The following LARGE1 variants were observed in gnomAD, a reference collection of about 807,000 sequenced individuals.
LARGE1 encodes xylosyl- and glucuronyltransferase LARGE1.
In LARGE1, 43 loss-of-function variants were observed where a neutral mutation model predicts 87.6. The ratio of observed to expected loss-of-function variants is 0.49; its 90% CI spans 0.38 to 0.63. The LOEUF (loss-of-function observed/expected upper bound fraction) is 0.63. LARGE1 is among the 30% of genes least tolerant of loss of function. The pLI, the probability that LARGE1 is intolerant of heterozygous loss-of-function variation, is 0.00. For synonymous variants in LARGE1, 434 were observed against 394.6 expected, an observed-to-expected ratio of 1.10 and a Z score of -1.18; for missense variants, 802 against 1,000.2, an observed-to-expected ratio of 0.80 and a Z score of 2.67.
intron 6 of LARGE1, among the ~76,000 whole-genome samples, chr22:33,492,322 G>C (rs767503139): frequency 2.0e-5 from 3 of 152,178 alleles, no homozygotes; most frequent in Admixed American, 6.5e-5. Context: ...ATTCTCTGAC[G>C]TCTGCTCTGT....
intron 8 of LARGE1, among the ~76,000 whole-genome samples, chr22:33,383,814 G>A (rs1031616195): frequency 2.6e-5 from 4 of 152,184 alleles, no homozygotes; most frequent in Admixed American, 2.6e-4. Flanking sequence ...GGGTCCCAGA[G>A]AGCAGGCCCT....
chr22:33,837,257 T>TACATAC (rs1555882452), intron 1 of LARGE1, among the ~76,000 whole-genome samples: 2 of 149,638 alleles, frequency 1.3e-5, no homozygotes, highest in African/African-American at 4.9e-5. Context: ...GTATTACATA[T>TACATAC]ACACACACAC....
At chr22:33,070,955 C>T in the LARGE1 span, among the ~76,000 whole-genome samples, 1 of 152,100 alleles carries the variant, frequency 6.6e-6, no homozygotes, top group African/African-American at 2.4e-5. Flanking sequence ...GTGATGTGAT[C>T]AGCCAGAATT....
At chr22:33,902,382 T>C (rs989180989) in intron 1 of LARGE1, among the ~76,000 whole-genome samples, 1 of 152,182 alleles carries the variant, frequency 6.6e-6, no homozygotes, top group Non-Finnish European at 1.5e-5. Flanking sequence ...ATAAAACTCA[T>C]TTCACAACCC....
chr22:33,674,660 G>C (rs891085337), intron 2 of LARGE1, among the ~76,000 whole-genome samples: 2 of 152,102 alleles, frequency 1.3e-5, no homozygotes, highest in Admixed American at 6.5e-5. Flanking sequence ...CCAATGCATG[G>C]ATCACTCTTC....
chr22:33,838,368 G>A (rs1306203453), intron 1 of LARGE1, among the ~76,000 whole-genome samples: 1 of 152,226 alleles, frequency 6.6e-6, no homozygotes, highest in Non-Finnish European at 1.5e-5. Flanking sequence ...GACAGGTGTA[G>A]TGGCTCATGC....
chr22:33,588,240 T>C (rs1051641411), intron 5 of LARGE1, among the ~76,000 whole-genome samples: 1 of 152,172 alleles, frequency 6.6e-6, no homozygotes, highest in African/African-American at 2.4e-5. Context: ...CATCCACCAA[T>C]ACCCATGCAT....
chr22:33,600,438 A>G (rs2079083302), intron 5 of LARGE1, among the ~76,000 whole-genome samples: 1 of 152,192 alleles, frequency 6.6e-6, no homozygotes, highest in Non-Finnish European at 1.5e-5. Flanking sequence ...ATGAAAGAAT[A>G]CCCTCTGTGT....
intron 9 of LARGE1, among the ~76,000 whole-genome samples, chr22:33,357,420 T>C (rs891654103): frequency 6.6e-6 from 1 of 152,144 alleles, no homozygotes; most frequent in African/African-American, 2.4e-5. Flanking sequence ...TTATTTTGGG[T>C]GATGGTTATC....
intron 6 of LARGE1, among the ~76,000 whole-genome samples, chr22:33,442,539 A>C (rs2067516629): frequency 6.6e-6 from 1 of 152,112 alleles, no homozygotes; most frequent in Non-Finnish European, 1.5e-5. Flanking sequence ...TGCTGTGGGA[A>C]GGGGGATTTC....
chr22:33,629,940 T>G (rs1002241806), intron 3 of LARGE1, among the ~76,000 whole-genome samples: 1 of 152,168 alleles, frequency 6.6e-6, no homozygotes, highest in Non-Finnish European at 1.5e-5. Context: ...GACTCATGCT[T>G]GCAATCCCAG....
At chr22:33,671,348 G>A (rs1391139760) in intron 2 of LARGE1, among the ~76,000 whole-genome samples, 1 of 152,206 alleles carries the variant, frequency 6.6e-6, no homozygotes, top group African/African-American at 2.4e-5. Context: ...GATGTCTAGA[G>A]AATGGCCTGC....
intron 11 of LARGE1, among the ~76,000 whole-genome samples, chr22:33,262,607 G>A (rs1466908940): frequency 1.3e-5 from 2 of 152,066 alleles, no homozygotes; most frequent in African/African-American, 2.4e-5. Context: ...CTTAGGAACC[G>A]TTAACTGATG....
chr22:33,548,512 T>G (rs1344095060), intron 6 of LARGE1, among the ~76,000 whole-genome samples: 1 of 152,090 alleles, frequency 6.6e-6, no homozygotes, highest in Admixed American at 6.6e-5. Flanking sequence ...ACCTCCCGGG[T>G]ACAGGCGATT....
At chr22:33,477,585 C>T (rs1379991067) in intron 6 of LARGE1, among the ~76,000 whole-genome samples, 2 of 152,134 alleles carry the variant, frequency 1.3e-5, no homozygotes, top group African/African-American at 4.8e-5. Flanking sequence ...TGTGGTTAGA[C>T]ACAACTCCCC....
chr22:33,283,440 G>C, intron 12 of LARGE1, 92 bp from the exon 13 acceptor site: 1 of 1,405,768 alleles, frequency 7.1e-7, no homozygotes, highest in Admixed American at 1.7e-5. Flanking sequence ...TTGGCCCGGG[G>C]AAGTGTGGGA....
intron 1 of LARGE1, among the ~76,000 whole-genome samples, chr22:33,891,704 A>G: frequency 6.6e-6 from 1 of 152,222 alleles, no homozygotes; most frequent in Non-Finnish European, 1.5e-5. Flanking sequence ...ATGCTGGGTA[A>G]AATTCTTTGT....
intron 1 of LARGE1, among the ~76,000 whole-genome samples, chr22:33,790,485 A>G (rs1440994377): frequency 1.3e-5 from 2 of 152,004 alleles, no homozygotes; most frequent in Non-Finnish European, 2.9e-5. Flanking sequence ...TTTTTTCTTT[A>G]AGTCCAAAAT....
At chr22:33,627,819 C>T (rs2079969161) in intron 3 of LARGE1, among the ~76,000 whole-genome samples, 1 of 152,172 alleles carries the variant, frequency 6.6e-6, no homozygotes, top group South Asian at 2.1e-4. Flanking sequence ...TTGACCTTGG[C>T]TTCATATAGA....
Sources: gnomAD v4.1 joint callset for allele counts (sites outside exome capture counted in the v4.1 genomes callset) on GRCh38, gnomAD v4.1.1 for gene constraint, MANE v1.5 for transcripts, NCBI Gene and HGNC (gene_info 2026-07-23, HGNC 2026-07-21) for gene names.